The following ANK1 variants were observed in gnomAD, a reference collection of about 807,000 sequenced individuals.
ANK1 encodes the protein ankyrin 1.
In ANK1, 51 loss-of-function variants were observed where a neutral mutation model predicts 210.4. The observed-to-expected ratio is 0.24, with a 90% CI of 0.19 to 0.31. ANK1 has a LOEUF of 0.31. Ranked by LOEUF, ANK1 falls within the 10% of genes least tolerant of loss-of-function variation. The pLI is 1.00. For missense variants in ANK1, 2,051 were observed against 2,504.4 expected, an observed-to-expected ratio of 0.82 and a Z score of 3.86; for synonymous variants, 967 against 1,025.9, an observed-to-expected ratio of 0.94 and a Z score of 1.10.
chr8:41,853,514 G>A (rs7011323), intron 1 of ANK1, among the ~76,000 whole-genome samples: 86,735 of 152,048 alleles, frequency 0.57, 26,453 homozygotes, highest in East Asian at 0.83. Context: ...AAATTTTATT[G>A]TTGATTTTGC....
At chr8:41,834,941 C>T (rs947085172) in intron 1 of ANK1, among the ~76,000 whole-genome samples, 1 of 152,218 alleles carries the variant, frequency 6.6e-6, no homozygotes, top group African/African-American at 2.4e-5. Context: ...ATCCCCGCTG[C>T]CCGGGAGAAG....
chr8:41,746,891 G>A (rs1224934236), intron 2 of ANK1, among the ~76,000 whole-genome samples: 3 of 149,742 alleles, frequency 2.0e-5, no homozygotes, highest in African/African-American at 7.4e-5. Flanking sequence ...AAAAGACCCA[G>A]ACCTTTAGAA....
chr8:41,776,359 C>T (rs1391621652), intron 1 of ANK1, among the ~76,000 whole-genome samples: 3 of 152,192 alleles, frequency 2.0e-5, no homozygotes, highest in Non-Finnish European at 2.9e-5. Flanking sequence ...GTTTAATGAG[C>T]GGGGATCTGT....
chr8:41,763,059 T>C (rs991594005), intron 1 of ANK1, among the ~76,000 whole-genome samples: 2 of 151,864 alleles, frequency 1.3e-5, no homozygotes, highest in African/African-American at 4.8e-5. Flanking sequence ...CTATTAAAAA[T>C]AGAAAAAGTA....
At chr8:41,784,263 C>T (rs1232325514) in intron 1 of ANK1, among the ~76,000 whole-genome samples, 1 of 152,156 alleles carries the variant, frequency 6.6e-6, no homozygotes, top group African/African-American at 2.4e-5. Context: ...ACTCTCTCTA[C>T]CCCATTCTCC....
chr8:41,855,786 G>T (rs1163697314), intron 1 of ANK1, among the ~76,000 whole-genome samples: 1 of 152,094 alleles, frequency 6.6e-6, no homozygotes, highest in Admixed American at 6.6e-5. Flanking sequence ...ATTAACCCAA[G>T]GGGGTAGGAC....
chr8:41,663,923 G>C (rs183984935), intron 39 of ANK1, 181 bp from the exon 40 acceptor site: 1 of 672,194 alleles, frequency 1.5e-6, no homozygotes, highest in Non-Finnish European at 2.7e-6. Flanking sequence ...CGTGGGCGGC[G>C]CCCCTGAGGG....
At chr8:41,774,207 G>A (rs1025187695) in intron 1 of ANK1, among the ~76,000 whole-genome samples, 17 of 152,250 alleles carry the variant, frequency 1.1e-4, no homozygotes, top group Admixed American at 9.8e-4. Flanking sequence ...CTCAATACAT[G>A]TTTCCTGAGC....
chr8:41,758,934 T>A (rs1353180950), intron 1 of ANK1, among the ~76,000 whole-genome samples: 1 of 151,992 alleles, frequency 6.6e-6, no homozygotes, highest in Non-Finnish European at 1.5e-5. Flanking sequence ...TCTCACTATG[T>A]TCCCCAGGAT....
At chr8:41,692,319 A>G (rs1255999354) in intron 31 of ANK1, among the ~76,000 whole-genome samples, 1 of 152,156 alleles carries the variant, frequency 6.6e-6, no homozygotes, top group Non-Finnish European at 1.5e-5. Flanking sequence ...GGCCTTTCAA[A>G]GTGTTGAGAT....
chr8:41,668,117 C>T, intron 39 of ANK1, 150 bp downstream of exon 39: 1 of 1,182,084 alleles, frequency 8.5e-7, no homozygotes, highest in Non-Finnish European at 1.2e-6. Flanking sequence ...TTGCCCTTGA[C>T]TTCTAGAGAA....
chr8:41,791,576 C>G (rs1474084162), intron 1 of ANK1, among the ~76,000 whole-genome samples: 1 of 152,042 alleles, frequency 6.6e-6, no homozygotes, highest in African/African-American at 2.4e-5. Context: ...GGACTACAGG[C>G]GCACGCCACC....
intron 2 of ANK1, among the ~76,000 whole-genome samples, chr8:41,740,876 C>T (rs1834625427): frequency 6.6e-6 from 1 of 152,214 alleles, no homozygotes; most frequent in African/African-American, 2.4e-5. Flanking sequence ...CACTGCCTCC[C>T]ACACCTGGAC....
intron 42 of ANK1, chr8:41,660,326 G>T: frequency 2.3e-6 from 1 of 436,180 alleles, no homozygotes; most frequent in South Asian, 1.7e-5. Flanking sequence ...GAAAGCTAGA[G>T]CCTCCTTGCT....
intron 1 of ANK1, among the ~76,000 whole-genome samples, chr8:41,805,611 T>C (rs1850851811): frequency 6.6e-6 from 1 of 152,210 alleles, no homozygotes; most frequent in South Asian, 2.1e-4. Flanking sequence ...AAATTAAAAC[T>C]GAGAGTTTCT....
intron 8 of ANK1, 93 bp from the exon 9 acceptor site, chr8:41,723,316 C>A: frequency 1.4e-6 from 2 of 1,388,964 alleles, no homozygotes; most frequent in South Asian, 1.2e-5. Flanking sequence ...TCCCAGCCCA[C>A]GCAAGTGCTG....
chr8:41,867,590 C>T (rs1384755941), intron 1 of ANK1, among the ~76,000 whole-genome samples: 1 of 152,106 alleles, frequency 6.6e-6, no homozygotes, highest in Non-Finnish European at 1.5e-5. Context: ...ATTCCCTCTG[C>T]CCACCACATC....
chr8:41,875,885 G>A (rs945116182), intron 1 of ANK1, among the ~76,000 whole-genome samples: 1 of 152,122 alleles, frequency 6.6e-6, no homozygotes, highest in Non-Finnish European at 1.5e-5. Context: ...AAAGGAACCT[G>A]AGCACACCCA....
intron 17 of ANK1, 65 bp downstream of exon 17, chr8:41,708,713 C>A: frequency 6.4e-7 from 1 of 1,574,100 alleles, no homozygotes; most frequent in South Asian, 1.1e-5. Flanking sequence ...CATAGATGCT[C>A]AATATGAAGA....
Sources: allele counts gnomAD v4.1 joint callset (sites outside exome capture counted in the v4.1 genomes callset), GRCh38; gene constraint gnomAD v4.1.1; transcripts MANE v1.5; gene names NCBI Gene and HGNC (gene_info 2026-07-23, HGNC 2026-07-21).